Variants in RASSF4 observed in about 807,000 individuals in gnomAD.
RASSF4 encodes Ras association domain family member 4.
RASSF4 carries 38 observed loss-of-function variants against 41.1 expected under a neutral mutation model. The observed-to-expected ratio is 0.92, with a 90% CI of 0.71 to 1.21. RASSF4 has a LOEUF of 1.21. Among genes scored for constraint, RASSF4 ranks in the 50% most tolerant of loss-of-function variants. The pLI is 0.00. For missense variants in RASSF4, 414 were observed against 419.4 expected, an observed-to-expected ratio of 0.99 and a Z score of 0.11; for synonymous variants, 179 against 163.4, an observed-to-expected ratio of 1.10 and a Z score of -0.73.
intron 6 of RASSF4, among the ~76,000 whole-genome samples, chr10:44,985,306 C>T (rs1031851559): frequency 6.6e-6 from 1 of 151,928 alleles, no homozygotes; most frequent in East Asian, 1.9e-4. Flanking sequence ...ACTGTGTATC[C>T]AGCCATCACT....
At chr10:44,969,357 G>T (rs1392589271) in intron 1 of RASSF4, among the ~76,000 whole-genome samples, 3 of 152,130 alleles carry the variant, frequency 2.0e-5, no homozygotes, top group African/African-American at 7.2e-5. Context: ...AATAGTATGT[G>T]TGTGGAACAG....
chr10:44,991,886 A>G lies in RASSF4; in HGVS notation c.808-19A>G. 1.3e-6 allele frequency: 2 copies of G among 1,556,268 alleles called. No homozygotes were observed. Among genetic ancestry groups the G allele is most frequent in the South Asian group, 1.1e-5 (1 of 88,836 alleles). ...GGCTTCGAATTTAAAGCACATTAAAATGTTCTTGGATTTTCTAGGTCGCTC... is the reference window on the plus strand; with the variant it reads ...GGCTTCGAATTTAAAGCACATTAAAGTGTTCTTGGATTTTCTAGGTCGCTC... On this transcript the variant is annotated intron_variant, in intron 9 of 10. Transcript: ENST00000340258.
intron 3 of RASSF4, among the ~76,000 whole-genome samples, chr10:44,974,332 T>C (rs996738823): frequency 6.6e-6 from 1 of 152,226 alleles, no homozygotes; most frequent in Non-Finnish European, 1.5e-5. Context: ...TAAGGTGATA[T>C]AGGAATGATT....
At chr10:44,961,415 C>A (rs7914175) in intron 1 of RASSF4, among the ~76,000 whole-genome samples, 98,599 of 152,138 alleles carry the variant, frequency 0.65, 32,207 homozygotes, top group African/African-American at 0.67. Context: ...AGATTCTGGA[C>A]GTGCAAAGCC....
At chr10:44,983,690 C>G (rs1350896505) in intron 4 of RASSF4, 8 of 282,212 alleles carry the variant, frequency 2.8e-5, no homozygotes, top group African/African-American at 1.8e-4. Context: ...GCCTGTTTGG[C>G]ACACAGCTGC....
At chr10:44,977,535 G>A (rs1470147735) in intron 3 of RASSF4, 1 of 1,613,372 alleles carries the variant, frequency 6.2e-7, no homozygotes, top group African/African-American at 1.3e-5. Context: ...CCATCCTGCG[G>A]TGGTCTTGCC....
chr10:44,990,092 A>C (rs2076231639), intron 8 of RASSF4, among the ~76,000 whole-genome samples: 1 of 152,178 alleles, frequency 6.6e-6, no homozygotes, highest in African/African-American at 2.4e-5. Flanking sequence ...ATGGGTGGGT[A>C]CCTAGCTCCT....
chr10:44,982,255 G>A (rs559553631), intron 3 of RASSF4: 43 of 507,438 alleles, frequency 8.5e-5, no homozygotes, highest in African/African-American at 4.5e-4. Flanking sequence ...CCAGCAGCTG[G>A]CTTCCTGTGG....
At chr10:44,972,433 G>T (rs540481934) in intron 3 of RASSF4, among the ~76,000 whole-genome samples, 1 of 152,372 alleles carries the variant, frequency 6.6e-6, no homozygotes, top group South Asian at 2.1e-4. Context: ...AGGACCGTGG[G>T]CCTGGTGCAG....
chr10:44,971,577 C>T (rs561222491), intron 2 of RASSF4, 196 bp from the exon 3 acceptor site: 12 of 687,174 alleles, frequency 1.7e-5, no homozygotes, highest in South Asian at 7.5e-5. Context: ...CCCCCATGCC[C>T]CCCACCAGGG....
intron 3 of RASSF4, chr10:44,978,034 T>C: frequency 6.2e-7 from 1 of 1,603,808 alleles, no homozygotes; most frequent in Non-Finnish European, 8.5e-7. Flanking sequence ...ACCTCATCAC[T>C]CTGGCGAGAG....
chr10:44,967,377 G>T (rs1191465126), intron 1 of RASSF4, among the ~76,000 whole-genome samples: 1 of 152,222 alleles, frequency 6.6e-6, no homozygotes, highest in Non-Finnish European at 1.5e-5. Flanking sequence ...AGCTGCAGAG[G>T]GCCGGGGTGG....
chr10:44,982,619 C>A lies in RASSF4; in HGVS notation c.237C>A (p.His79Gln), dbSNP rs1478815768. The A allele has an allele frequency of 6.2e-7, 1 of 1,613,280 alleles. No individual in the cohort carries two copies. Among genetic ancestry groups the A allele is most frequent in the Non-Finnish European group, 8.5e-7 (1 of 1,179,512 alleles). ...TGCAGGATGACCGGGAGCAGGTGCA[C>A]CTCCCCTCCACCTCATGGATGCCCA... ...LQMQDDREQV[H>Q]LPSTSWMPRR... The change falls in exon 4 of 11, where the codon CAC becomes CAA. Residue 79 changes from histidine (H) to glutamine (Q), a missense_variant. Physicochemically the swap from His to Gln is conservative, Grantham distance 24. Coordinates refer to ENST00000340258, the MANE Select transcript of RASSF4 (RefSeq NM_032023.4).
intron 1 of RASSF4, among the ~76,000 whole-genome samples, chr10:44,968,566 A>G (rs888833063): frequency 1.1e-4 from 16 of 152,284 alleles, no homozygotes; most frequent in African/African-American, 3.9e-4. Context: ...TCACAGGCTC[A>G]TGCAGGGCTG....
In RASSF4 at chr10:44,994,337, T is replaced by C. The variant is rs889143374; in HGVS notation, c.*1008T>C. The C allele has an allele frequency of 2.0e-5, 3 of 152,688 alleles. No homozygotes were observed. Among genetic ancestry groups the C allele is most frequent in the African/African-American group, 7.2e-5 (3 of 41,464 alleles). The allele number at this position is 152,688 out of a possible 1,614,324, so 9.5% of individuals were successfully genotyped here. On this transcript the variant is annotated 3_prime_UTR_variant, in exon 11 of 11. Coordinates refer to ENST00000340258, the MANE Select transcript of RASSF4 (RefSeq NM_032023.4). ...GAATGAGAAAGCCTTTGCGAAACTA[T>C]GCAACAGTTTACATCAGTCATGTGA...
chr10:44,989,748 G>T (rs374737747), intron 8 of RASSF4, 27 bp downstream of exon 8: 5 of 1,608,478 alleles, frequency 3.1e-6, no homozygotes, highest in Non-Finnish European at 4.3e-6. Flanking sequence ...CTTCTGGATC[G>T]TAAAAGCAAA....
intron 8 of RASSF4, 52 bp downstream of exon 8, chr10:44,989,773 T>G: frequency 6.6e-7 from 1 of 1,506,402 alleles, no homozygotes; most frequent in Admixed American, 1.7e-5. Flanking sequence ...CTCTACCTGT[T>G]CAGCAAGCCC....
At position 44,995,087 on chromosome 10, in the gene RASSF4, C is replaced by A. The variant is rs544849659; in HGVS notation, c.*1758C>A. The A allele has an allele frequency of 2.0e-5, 3 of 152,346 alleles. No individual in the cohort carries two copies. The East Asian group carries it at 5.8e-4, about 29-fold the overall frequency. The allele number at this position is 152,346 out of a possible 1,614,324, so 9.4% of individuals were successfully genotyped here. A position where few individuals can be genotyped will look rare whatever the true frequency, so the allele number is the denominator to read the frequency against. On this transcript the variant is annotated 3_prime_UTR_variant, in exon 11 of 11. Transcript: ENST00000340258. The stretch of plus-strand genomic sequence containing the variant: ...GCCTAGGAGAGGGTACAAAACAAAT[C>A]AAACAGGAGCTCCCAGGTAATTGTA...
At chr10:44,966,870 T>C (rs929775769) in intron 1 of RASSF4, among the ~76,000 whole-genome samples, 1 of 152,206 alleles carries the variant, frequency 6.6e-6, no homozygotes, top group Non-Finnish European at 1.5e-5. Flanking sequence ...AACAGTTTCC[T>C]TTTGCTGGTC....
Sources: gnomAD v4.1 joint callset for allele counts (sites outside exome capture counted in the v4.1 genomes callset) on GRCh38, gnomAD v4.1.1 for gene constraint, MANE v1.5 for transcripts, NCBI Gene and HGNC (gene_info 2026-07-23, HGNC 2026-07-21) for gene names.